ALKBH2: variants seen among roughly 807,000 people sequenced by gnomAD.
The protein encoded by ALKBH2 is alkB homolog 2, alpha-ketoglutarate dependent dioxygenase.
A neutral mutation model predicts 19.7 loss-of-function variants in ALKBH2; 19 were observed. The observed-to-expected ratio is 0.97, with a 90% CI of 0.67 to 1.42. The LOEUF is 1.42. Among genes scored for constraint, ALKBH2 ranks in the 40% most tolerant of loss-of-function variants. The pLI is 0.00. For missense variants in ALKBH2, 310 were observed against 328.5 expected (o/e 0.94, Z 0.43); for synonymous variants, 135 against 131.2 (o/e 1.03, Z -0.20).
chr12:109,092,719 G>C lies in ALKBH2; in HGVS notation c.68C>G (p.Thr23Ser). The change falls in exon 2 of 4, where the codon ACT becomes AGT. Residue 23 changes from threonine to serine, a missense_variant. By Grantham distance (58) the Thr-to-Ser change is moderately conservative (BLOSUM62 1). Coordinates refer to ENST00000429722, the MANE Select transcript of ALKBH2 (RefSeq NM_001145374.2). Reference sequence around the variant, plus strand: ...TCCCAACACAGCTGGCTCTTCTCCAGTTGGCTCTTGCTCCTCCTGCTTCCT... The same window carrying C: ...TCCCAACACAGCTGGCTCTTCTCCACTTGGCTCTTGCTCCTCCTGCTTCCT... ...LLRKQEEQEPTGEEPAVLGGD... is the reference protein window; with the variant it reads ...LLRKQEEQEPSGEEPAVLGGD... 6.2e-7 allele frequency: 1 copy of C among 1,613,968 alleles called. No individual in the cohort carries two copies. The highest frequency in any genetic ancestry group is 1.3e-5 in the African/African-American group (1 of 75,032).
rs1448335024 is a variant in ALKBH2, at chr12:109,088,912, A to G, written c.480-400T>C. On this transcript the variant is annotated intron_variant, in intron 3 of 3. Coordinates refer to ENST00000429722, the MANE Select transcript of ALKBH2 (RefSeq NM_001145374.2). The surrounding 1 kb of genome is among the most constrained non-coding windows in gnomAD (Gnocchi z 4.2). ...TTTCTTTTGCAGAAACAGTTTCACC[A>G]TGTTACCCAGGCTGGTCTCAAACTC... Among the ~76,000 whole-genome samples the G allele has an allele frequency of 6.6e-6, 1 of 152,044 alleles. No individual in the cohort carries two copies. Among genetic ancestry groups the G allele is most frequent in the Non-Finnish European group, 1.5e-5 (1 of 67,996 alleles).
intron 2 of ALKBH2, 71 bp from the exon 3 acceptor site, chr12:109,090,278 C>A (rs2042042654): frequency 7.2e-7 from 1 of 1,396,340 alleles, no homozygotes; most frequent in Non-Finnish European, 1.0e-6. Flanking sequence ...CCCCCCCAAC[C>A]CGCACTGCCA....
chr12:109,091,518 T>C (rs905057648), intron 2 of ALKBH2, among the ~76,000 whole-genome samples: 1 of 152,100 alleles, frequency 6.6e-6, no homozygotes, highest in Non-Finnish European at 1.5e-5. Context: ...CCACCGTGCC[T>C]GGCCTGTGGG....
chr12:109,090,095 T>C lies in ALKBH2; in HGVS notation c.393A>G (p.Pro131=), dbSNP rs751001903. The C allele has an allele frequency of 8.1e-6, 13 of 1,614,204 alleles. No homozygotes were observed. The highest frequency in any genetic ancestry group is 1.1e-5 in the South Asian group (1 of 91,080). ...TYTFSGLTLS[P]KPWIPVLERI... ...GCTCTAGAACTGGGATCCAGGGCTT[T>C]GGAGACAGCGTGAGGCCTGAAAATG... Residue 131 remains proline (P), a synonymous_variant, in exon 3 of 4, where the codon CCA becomes CCG. Transcript: ENST00000429722.
intron 2 of ALKBH2, 136 bp from the exon 3 acceptor site, chr12:109,090,343 G>C (rs900909714): frequency 2.8e-6 from 2 of 708,320 alleles, no homozygotes; most frequent in East Asian, 5.4e-5. Context: ...AAGATTGAAA[G>C]GGAAGTAAGG....
chr12:109,090,150 G>A lies in ALKBH2; in HGVS notation c.338C>T (p.Ala113Val), dbSNP rs929361040. The change falls in exon 3 of 4, where the codon GCA (alanine) becomes GTA (valine). Residue 113 changes from alanine (A) to valine (V), a missense_variant. Ala to Val is a moderately conservative substitution (Grantham distance 64, BLOSUM62 0). Transcript: ENST00000429722. The stretch of plus-strand genomic sequence containing the variant: ...GGTCAGCCCAGCGTCGCCATACGTT[G>A]CCTGCTTCCTGGGCACACTGTGCCA... Reference protein sequence around the residue: ...GKWHSVPRKQATYGDAGLTYT... With the variant: ...GKWHSVPRKQVTYGDAGLTYT... 8.7e-6 allele frequency: 14 copies of A among 1,613,794 alleles called. No homozygotes were observed. Among genetic ancestry groups the A allele is most frequent in the Middle Eastern group, 1.6e-4 (1 of 6,084 alleles).
chr12:109,092,492 C>CAT lies in ALKBH2; in HGVS notation c.280+14_280+15insAT. The CAT allele has an allele frequency of 6.4e-7, 1 of 1,550,798 alleles. No homozygotes were observed. Among genetic ancestry groups the CAT allele is most frequent in the South Asian group, 1.2e-5 (1 of 80,758 alleles). On this transcript the variant is annotated intron_variant, in intron 2 of 3. Coordinates refer to ENST00000429722, the MANE Select transcript of ALKBH2 (RefSeq NM_001145374.2). ...CTCAATGCACACACACACACACACA[C>CAT]ACCCCTCTGCTTACCTGTAAAATAT...
intron 2 of ALKBH2, 27 bp downstream of exon 2, chr12:109,092,480 C>CAT: frequency 6.5e-7 from 1 of 1,532,212 alleles, no homozygotes; most frequent in East Asian, 2.3e-5. Context: ...AATGCACACA[C>CAT]ACACACACAC....
intron 2 of ALKBH2, among the ~76,000 whole-genome samples, chr12:109,090,500 G>A (rs767778235): frequency 2.6e-5 from 4 of 152,068 alleles, no homozygotes; most frequent in African/African-American, 4.8e-5. Context: ...CAATCTCAGC[G>A]CACTTCAACC....
intron 2 of ALKBH2, 111 bp from the exon 3 acceptor site, chr12:109,090,318 G>C: frequency 1.2e-6 from 1 of 835,410 alleles, no homozygotes; most frequent in South Asian, 1.5e-5. Context: ...CCACATACAT[G>C]CTCCCTGGGT....
Sources: allele counts gnomAD v4.1 joint callset (sites outside exome capture counted in the v4.1 genomes callset), GRCh38; gene constraint gnomAD v4.1.1; non-coding constraint Gnocchi (gnomAD v3.1); transcripts MANE v1.5; gene names NCBI Gene and HGNC (gene_info 2026-07-23, HGNC 2026-07-21).